Variants in EED observed in about 807,000 individuals in gnomAD.
The protein encoded by EED is embryonic ectoderm development.
Under a neutral mutation model 61.0 loss-of-function variants are expected in EED, and 9 were observed. The ratio of observed to expected loss-of-function variants is 0.15; its 90% CI spans 0.09 to 0.26. EED has a LOEUF of 0.26. Ranked by LOEUF, EED falls within the 10% of genes least tolerant of loss-of-function variation. The probability of loss-of-function intolerance (pLI) is 1.00; values close to 1 mark genes in which losing one functional copy is unlikely to be tolerated. For synonymous variants in EED, 187 were observed against 174.4 expected, an observed-to-expected ratio of 1.07 and a Z score of -0.57; for missense variants, 315 against 542.3, an observed-to-expected ratio of 0.58 and a Z score of 4.16.
rs191705765 is a variant in EED at position 86,272,258 on chromosome 11, C to T, written c.966+3697C>T. 1.8e-3 allele frequency among the ~76,000 whole-genome samples: 269 copies of T among 150,426 alleles called. 1 individual carries two copies. Among genetic ancestry groups the T allele is most frequent in the African/African-American group, 6.3e-3 (258 of 40,846 alleles). On this transcript the variant is annotated intron_variant, in intron 9 of 11. Transcript: ENST00000263360. ...TGTTTTTAGTAGAGATGGGGTTTCA[C>T]TGTGTTAGCCAGGATGGTCTCGATC... is the stretch of plus-strand genomic sequence containing the variant.
chr11:86,278,633 A>G lies in EED; in HGVS notation c.*108A>G, dbSNP rs547969198. 1.1e-4 allele frequency: 158 copies of G among 1,421,526 alleles called. 1 individual carries two copies. In the African/African-American group the frequency reaches 1.8e-3, roughly 16 times the overall value. The allele number at this position is 1,421,526 out of a possible 1,614,324, so 88.1% of individuals were successfully genotyped here. A position where few individuals can be genotyped will look rare whatever the true frequency, so the allele number is the denominator to read the frequency against. On this transcript the variant is annotated 3_prime_UTR_variant, in exon 12 of 12. Transcript: ENST00000263360. ...AGAGCATTTAGAGTTGTCTTTCAGC[A>G]TTCAATCAGGCTGAGCTGAATGTAG...
chr11:86,264,304 T>A, intron 7 of EED, 41 bp downstream of exon 7: 10 of 1,442,864 alleles, frequency 6.9e-6, no homozygotes, highest in Non-Finnish European at 9.8e-6. Flanking sequence ...CAGGTTTACA[T>A]AGCTGTGAAC....
chr11:86,257,695 G>A (rs1417125407), intron 6 of EED, 99 bp downstream of exon 6: 2 of 919,804 alleles, frequency 2.2e-6, no homozygotes, highest in Non-Finnish European at 1.6e-6. Context: ...AAAACCATGA[G>A]AAGAGAGTCC....
intron 9 of EED, among the ~76,000 whole-genome samples, chr11:86,271,542 T>C (rs1946111881): frequency 6.6e-6 from 1 of 152,346 alleles, no homozygotes. Context: ...CTGTGTTGAA[T>C]AGCAGTGTTA....
At chr11:86,284,833 C>T in the EED span, among the ~76,000 whole-genome samples, 5 of 152,134 alleles carry the variant, frequency 3.3e-5, 1 homozygote, top group African/African-American at 1.2e-4. Context: ...CTCCTTGGGC[C>T]GGGTGCGGTG....
chr11:86,246,476 TATAATG>T (rs1294567777), intron 1 of EED, among the ~76,000 whole-genome samples: 3 of 152,174 alleles, frequency 2.0e-5, no homozygotes, highest in Non-Finnish European at 4.4e-5. Flanking sequence ...AGCTGAAACA[TATAATG>T]ATGTCATGAC....
intron 2 of EED, among the ~76,000 whole-genome samples, chr11:86,251,905 G>A (rs11823516): frequency 0.085 from 12,975 of 152,086 alleles, 811 homozygotes; most frequent in African/African-American, 0.17. Context: ...GTAGGTAAGC[G>A]GTTATTACCT....
chr11:86,257,702 G>C, intron 6 of EED, 106 bp downstream of exon 6: 1 of 814,742 alleles, frequency 1.2e-6, no homozygotes, highest in Non-Finnish European at 1.9e-6. Flanking sequence ...TGAGAAGAGA[G>C]TCCACATGCT....
chr11:86,252,540 CTTT>C (rs1332906332), intron 3 of EED, among the ~76,000 whole-genome samples: 7 of 119,706 alleles, frequency 5.8e-5, no homozygotes, highest in African/African-American at 2.2e-4. Flanking sequence ...AATTGGCGTT[CTTT>C]TTAAAGTGAT....
rs1313819414 is a variant in EED at position 86,256,372 on chromosome 11, T to A, written c.427-15T>A. The A allele has an allele frequency of 2.6e-6, 4 of 1,555,094 alleles. No homozygotes were observed. Among genetic ancestry groups the A allele is most frequent in the Non-Finnish European group, 3.5e-6 (4 of 1,146,676 alleles). ...TTTCAAAAACATTATGTTTCTTAAC[T>A]GTGGAATTTCTTAGGCTGATGAAAA... On this transcript the variant is annotated splice_polypyrimidine_tract_variant and intron_variant, in intron 4 of 11. Coordinates refer to ENST00000263360, the MANE Select transcript of EED (RefSeq NM_003797.5).
intron 9 of EED, 111 bp downstream of exon 9, chr11:86,268,672 TTTA>T (rs1334245996): frequency 1.2e-5 from 7 of 606,622 alleles, no homozygotes; most frequent in African/African-American, 1.9e-5. Context: ...CTTTATGTAG[TTTA>T]TTAAATTGAA....
In EED at chr11:86,245,261, C is replaced by A. The variant is rs745525077; in HGVS notation, c.32C>A (p.Ala11Glu). 1.9e-6 allele frequency: 3 copies of A among 1,613,326 alleles called. No individual in the cohort carries two copies. Among genetic ancestry groups the A allele is most frequent in the Middle Eastern group, 3.3e-4 (2 of 6,058 alleles). The change falls in exon 1 of 12, where the codon GCG becomes GAG. Residue 11 changes from alanine (A) to glutamate (E), a missense_variant. By Grantham distance (107) the Ala-to-Glu change is moderately radical (BLOSUM62 -1). Coordinates refer to ENST00000263360, the MANE Select transcript of EED (RefSeq NM_003797.5). MSEREVSTAP[A>E]GTDMPAAKKQ... The stretch of plus-strand genomic sequence containing the variant: ...GAGAGGGAAGTGTCGACTGCGCCGG[C>A]GGGAACAGACATGCCTGCGGCCAAG...
chr11:86,279,549 G>T (rs1020877396), downstream of EED, among the ~76,000 whole-genome samples: 1 of 152,192 alleles, frequency 6.6e-6, no homozygotes, highest in Non-Finnish European at 1.5e-5. Flanking sequence ...AAGCAGAGGA[G>T]TGAAGAAAGC....
chr11:86,263,940 G>T, intron 6 of EED: 1 of 492,394 alleles, frequency 2.0e-6, no homozygotes, highest in Admixed American at 3.4e-5. Flanking sequence ...TATTGCATTG[G>T]GGATTGAGTT....
In EED at chr11:86,250,303, C is replaced by T. The variant is rs780620361; in HGVS notation, c.122C>T (p.Ala41Val). The T allele has an allele frequency of 4.5e-6, 7 of 1,559,340 alleles. No homozygotes were observed. Among genetic ancestry groups the T allele is most frequent in the Non-Finnish European group, 5.2e-6 (6 of 1,156,336 alleles). Residue 41 changes from alanine (A) to valine (V), a missense_variant, in exon 2 of 12, where the codon GCT becomes GTT. Around this residue, in one of 2 missense-constraint regions of EED, gnomAD observed 110 missense variants for 86.9 expected, o/e 1.27. Transcript: ENST00000263360. The stretch of plus-strand genomic sequence containing the variant: ...CTCATTTACTGCTTACAGGATGACG[C>T]TGTCAGTATAGAAAGTGGTACAAAC... ...PDLSGDENDD[A>V]VSIESGTNTE...
chr11:86,258,299 G>C (rs1249350384), intron 6 of EED, among the ~76,000 whole-genome samples: 3 of 151,996 alleles, frequency 2.0e-5, no homozygotes, highest in Non-Finnish European at 2.9e-5. Context: ...TTTTAAAAAA[G>C]CTTTTGTTTT....
intron 1 of EED, among the ~76,000 whole-genome samples, chr11:86,249,799 T>C (rs564430968): frequency 2.0e-5 from 3 of 152,348 alleles, no homozygotes; most frequent in East Asian, 1.9e-4. Flanking sequence ...TGACATCTAA[T>C]GTAGAAGCCA....
intron 2 of EED, 43 bp downstream of exon 2, chr11:86,250,491 A>T (rs376304387): frequency 6.8e-6 from 10 of 1,469,670 alleles, no homozygotes; most frequent in Non-Finnish European, 9.0e-6. Flanking sequence ...GCTAGGCTTC[A>T]GAAATTATTT....
chr11:86,254,993 T>G (rs911816969), intron 3 of EED, among the ~76,000 whole-genome samples: 3 of 152,254 alleles, frequency 2.0e-5, no homozygotes, highest in African/African-American at 7.2e-5. Context: ...AATATAAGTT[T>G]AAAAGATTGG....
Sources: gnomAD v4.1 joint callset for allele counts (sites outside exome capture counted in the v4.1 genomes callset) on GRCh38, gnomAD v4.1.1 for gene constraint, gnomAD v4.1.1 regional missense constraint, MANE v1.5 for transcripts, NCBI Gene and HGNC (gene_info 2026-07-23, HGNC 2026-07-21) for gene names.